Variants in NBEA observed in about 807,000 individuals in gnomAD.
The protein encoded by NBEA is lysosomal-trafficking regulator 2.
In NBEA, 44 loss-of-function variants were observed where a neutral mutation model predicts 343.4. That is an observed-to-expected ratio of 0.13 (90% CI 0.10 to 0.16). NBEA has a LOEUF of 0.16. NBEA is among the 10% of genes least tolerant of loss of function. NBEA has a pLI of 1.00. For synonymous variants in NBEA, 1,175 were observed against 1,238.7 expected (o/e 0.95, Z 1.08); for missense variants, 2,555 against 3,631.3 (o/e 0.70, Z 7.62).
chr13:35,105,518 C>T (rs1320170404), intron 11 of NBEA, among the ~76,000 whole-genome samples: 5 of 152,140 alleles, frequency 3.3e-5, no homozygotes, highest in Middle Eastern at 3.4e-3. Flanking sequence ...GCGCTATAGA[C>T]CTTCACATCC....
intron 21 of NBEA, 74 bp downstream of exon 21, chr13:35,157,344 G>T: frequency 9.0e-7 from 1 of 1,116,134 alleles, no homozygotes; most frequent in Non-Finnish European, 1.2e-6. Flanking sequence ...CATGCATCTG[G>T]TGCCATCTTG....
At chr13:35,085,498 A>G (rs1039128195) in intron 10 of NBEA, among the ~76,000 whole-genome samples, 1 of 152,168 alleles carries the variant, frequency 6.6e-6, no homozygotes, top group Non-Finnish European at 1.5e-5. Context: ...GATTATCTCA[A>G]TAGATGCAGA....
intron 36 of NBEA, among the ~76,000 whole-genome samples, chr13:35,347,761 T>C (rs182249358): frequency 3.9e-5 from 6 of 152,162 alleles, no homozygotes; most frequent in Admixed American, 3.9e-4. Context: ...TTCTTTCTTA[T>C]GATTCTCATT....
At chr13:35,472,290 A>C in intron 40 of NBEA, 110 bp from the exon 41 acceptor site, 1 of 1,195,000 alleles carries the variant, frequency 8.4e-7, no homozygotes, top group Non-Finnish European at 1.2e-6. Flanking sequence ...TAATACAGGC[A>C]CCATTTTTTC....
intron 35 of NBEA, among the ~76,000 whole-genome samples, chr13:35,292,106 T>C (rs2035838018): frequency 6.6e-6 from 1 of 151,974 alleles, no homozygotes; most frequent in Admixed American, 6.6e-5. Context: ...CGACTAAATA[T>C]TTTTAATGAA....
chr13:35,172,830 C>G (rs1473392710), intron 26 of NBEA, among the ~76,000 whole-genome samples: 1 of 152,076 alleles, frequency 6.6e-6, no homozygotes, highest in Non-Finnish European at 1.5e-5. Flanking sequence ...ATACAGGATT[C>G]AAACTCAGGT....
chr13:35,498,473 GTTTA>G (rs2076767371), intron 41 of NBEA, among the ~76,000 whole-genome samples: 1 of 151,964 alleles, frequency 6.6e-6, no homozygotes, highest in Admixed American at 6.6e-5. Flanking sequence ...ATCATGATTT[GTTTA>G]TTTTAGAACT....
intron 34 of NBEA, among the ~76,000 whole-genome samples, chr13:35,277,048 C>A (rs74048971): frequency 0.042 from 6,441 of 152,030 alleles, 156 homozygotes; most frequent in South Asian, 0.078. Context: ...CATCTGTGGC[C>A]CCAGGTGGCA....
At chr13:35,163,714 C>G (rs1469086274) in intron 23 of NBEA, among the ~76,000 whole-genome samples, 1 of 151,784 alleles carries the variant, frequency 6.6e-6, no homozygotes, top group African/African-American at 2.4e-5. Context: ...GAACACTGTA[C>G]TACCAACTTA....
rs1049801263 is a variant in NBEA at position 35,582,178 on chromosome 13, C to T, written c.7036-1720C>T. 8.6e-5 allele frequency among the ~76,000 whole-genome samples: 13 copies of T among 152,022 alleles called. No individual in the cohort carries two copies. The South Asian group carries it at 1.0e-3, about 12-fold the overall frequency. ...GCGGGCGCCTGTAGTCGCAGCTACT[C>T]GGGAGGCTGAGGCAGGAGAATGGCG... is the stretch of plus-strand genomic sequence containing the variant. On this transcript the variant is annotated intron_variant, in intron 45 of 58. Transcript: ENST00000379939.
Position 35,352,188 on chromosome 13 carries a change from G to T in NBEA, c.6044G>T (p.Arg2015Ile), listed in dbSNP as rs1284011892. 2.2e-5 allele frequency: 34 copies of T among 1,527,160 alleles called. No homozygotes were observed. Among genetic ancestry groups the T allele is most frequent in the Non-Finnish European group, 3.0e-5 (34 of 1,131,390 alleles). 94.6% of individuals were successfully genotyped at this position (1,527,160 alleles called of 1,614,324 possible). Residue 2015 changes from arginine (R) to isoleucine (I), a missense_variant, in exon 38 of 59, where the codon AGA becomes ATA. Physicochemically the swap from Arg to Ile is moderately conservative, Grantham distance 97 (BLOSUM62 -3). Around this residue, in one of 21 missense-constraint regions of NBEA, gnomAD observed 246 missense variants for 313.7 expected, o/e 0.78. Transcript: ENST00000379939. ...TGTGCCCAATATGCTGCTGATAGAA[G>T]AGAGGAAGAAAAGATGTGTGACCAT... ...SQCAQYAADR[R>I]EEEKMCDHLI...
intron 31 of NBEA, among the ~76,000 whole-genome samples, chr13:35,198,548 G>A (rs1038993281): frequency 6.6e-6 from 1 of 152,032 alleles, no homozygotes; most frequent in Non-Finnish European, 1.5e-5. Flanking sequence ...TGAGAATATT[G>A]CTTTAAGAAA....
At chr13:35,153,056 G>A (rs959707179) in intron 18 of NBEA, among the ~76,000 whole-genome samples, 1 of 34,154 alleles carries the variant, frequency 2.9e-5, no homozygotes. Context: ...TTTTTTTTTT[G>A]AGACAGAGTC....
chr13:35,278,036 A>C (rs1357202444), intron 34 of NBEA, among the ~76,000 whole-genome samples: 1 of 150,528 alleles, frequency 6.6e-6, no homozygotes, highest in African/African-American at 2.4e-5. Context: ...GCAGTGAGCC[A>C]AGATCGCACC....
intron 1 of NBEA, among the ~76,000 whole-genome samples, chr13:34,984,982 A>G (rs1566122735): frequency 6.6e-6 from 1 of 151,088 alleles, no homozygotes; most frequent in Admixed American, 6.6e-5. Context: ...TGTCATCTGC[A>G]AACAGGGACA....
At chr13:35,062,184 A>G (rs1388844725) in intron 8 of NBEA, among the ~76,000 whole-genome samples, 1 of 151,778 alleles carries the variant, frequency 6.6e-6, no homozygotes, top group Admixed American at 6.6e-5. Context: ...ATCAGCCATG[A>G]AATAAAACAA....
At chr13:35,254,942 G>C (rs2032416080) in intron 34 of NBEA, among the ~76,000 whole-genome samples, 1 of 151,508 alleles carries the variant, frequency 6.6e-6, no homozygotes, top group Non-Finnish European at 1.5e-5. Context: ...TTTCTCCATA[G>C]GGAAGTATTA....
intron 1 of NBEA, among the ~76,000 whole-genome samples, chr13:34,968,466 C>G (rs1271317704): frequency 6.6e-6 from 1 of 152,170 alleles, no homozygotes; most frequent in African/African-American, 2.4e-5. Context: ...AAAGGACACT[C>G]TTATCACCCA....
chr13:35,282,216 A>G (rs2152811964), intron 34 of NBEA, among the ~76,000 whole-genome samples: 1 of 151,956 alleles, frequency 6.6e-6, no homozygotes, highest in South Asian at 2.1e-4. Context: ...CCGGCCAATT[A>G]TTTTATTTTT....
Sources: gnomAD v4.1 joint callset for allele counts (sites outside exome capture counted in the v4.1 genomes callset) on GRCh38, gnomAD v4.1.1 for gene constraint, gnomAD v4.1.1 regional missense constraint, MANE v1.5 for transcripts, NCBI Gene and HGNC (gene_info 2026-07-23, HGNC 2026-07-21) for gene names.